The following FNDC3B variants were observed in gnomAD, a reference collection of about 807,000 sequenced individuals.
The protein encoded by FNDC3B is fibronectin type III domain containing 3B.
Under a neutral mutation model 151.5 loss-of-function variants are expected in FNDC3B, and 12 were observed. The ratio of observed to expected loss-of-function variants is 0.08; its 90% confidence interval spans 0.05 to 0.13. The LOEUF is 0.13. Among genes scored for constraint, FNDC3B ranks in the 10% least tolerant of loss-of-function variants. The pLI, the probability that FNDC3B is intolerant of heterozygous loss-of-function variation, is 1.00. For synonymous variants in FNDC3B, 528 were observed against 549.0 expected (o/e 0.96, Z 0.54); for missense variants, 1,214 against 1,505.3 (o/e 0.81, Z 3.20).
At chr3:172,115,973 A>G (rs1194189489) in intron 2 of FNDC3B, among the ~76,000 whole-genome samples, 1 of 152,122 alleles carries the variant, frequency 6.6e-6, no homozygotes, top group Non-Finnish European at 1.5e-5. Flanking sequence ...CTGGTTCTGG[A>G]TGTAATTAGG....
At chr3:172,210,662 G>T (rs976320749) in intron 3 of FNDC3B, among the ~76,000 whole-genome samples, 5 of 152,062 alleles carry the variant, frequency 3.3e-5, no homozygotes, top group Non-Finnish European at 1.5e-5. Context: ...GGCAAAATCT[G>T]CACTTTTGTA....
Position 172,397,216 on chromosome 3 carries a change from C to G in FNDC3B, c.3356C>G (p.Thr1119Arg). Residue 1119 changes from threonine to arginine, a missense_variant, in exon 26 of 26, where the codon ACA (threonine) becomes AGA (arginine). Coordinates refer to ENST00000415807, the MANE Select transcript of FNDC3B (RefSeq NM_022763.4). ...CAAATCTCAGGCCTCCAGACCAACA[C>G]AGACTACAGGTTCCGCGTATGTGCG... ...TFQISGLQTN[T>R]DYRFRVCACR... 1 of 1,614,146 alleles carries G rather than the reference C, an allele frequency of 6.2e-7. No individual in the cohort carries two copies. Among genetic ancestry groups the G allele is most frequent in the Non-Finnish European group, 8.5e-7 (1 of 1,179,994 alleles).
chr3:172,105,672 C>G (rs954463854), intron 1 of FNDC3B, among the ~76,000 whole-genome samples: 6 of 150,604 alleles, frequency 4.0e-5, no homozygotes. Flanking sequence ...ACACGGGCCT[C>G]GAACTTCGGA....
chr3:172,375,378 T>A (rs1469611163), intron 23 of FNDC3B, among the ~76,000 whole-genome samples: 1 of 152,216 alleles, frequency 6.6e-6, no homozygotes, highest in Non-Finnish European at 1.5e-5. Flanking sequence ...ACTTGATGCT[T>A]TCCTGCCTTG....
intron 11 of FNDC3B, among the ~76,000 whole-genome samples, chr3:172,323,771 A>G (rs1283964980): frequency 6.6e-6 from 1 of 152,120 alleles, no homozygotes; most frequent in Non-Finnish European, 1.5e-5. Context: ...ATTCTTCAGA[A>G]TTTAGCAGGA....
intron 6 of FNDC3B, among the ~76,000 whole-genome samples, chr3:172,271,491 T>C (rs1729199190): frequency 1.3e-5 from 2 of 152,170 alleles, no homozygotes; most frequent in South Asian, 4.1e-4. Context: ...CATTTTTTGT[T>C]GTTGTTGTTC....
At chr3:172,230,172 T>C (rs906791482) in intron 4 of FNDC3B, among the ~76,000 whole-genome samples, 1 of 151,502 alleles carries the variant, frequency 6.6e-6, no homozygotes, top group Admixed American at 6.6e-5. Flanking sequence ...AAATGAAAAA[T>C]TTTTGTGCCT....
chr3:172,354,975 T>C lies in FNDC3B; in HGVS notation c.2795+1892T>C, dbSNP rs200783780. Reference sequence around the variant, plus strand: ...GGGTTGTACACCTCTCTAGTAAATGTACTAATGCAAAAAAGCTTCTTCAAT... The same window carrying C: ...GGGTTGTACACCTCTCTAGTAAATGCACTAATGCAAAAAAGCTTCTTCAAT... On this transcript the variant is annotated intron_variant, in intron 22 of 25. Coordinates refer to ENST00000415807, the MANE Select transcript of FNDC3B (RefSeq NM_022763.4). Among the ~76,000 whole-genome samples, 331 of 152,088 alleles carry C rather than the reference T, an allele frequency of 2.2e-3. 2 individuals carry two copies. The highest frequency in any genetic ancestry group is 7.3e-3 in the African/African-American group (302 of 41,484).
chr3:172,138,294 C>T (rs1257095876), intron 3 of FNDC3B, among the ~76,000 whole-genome samples: 1 of 152,218 alleles, frequency 6.6e-6, no homozygotes, highest in Non-Finnish European at 1.5e-5. Flanking sequence ...AGTGTATCTT[C>T]ACCCTGCTCC....
intron 6 of FNDC3B, among the ~76,000 whole-genome samples, chr3:172,255,533 G>A (rs1728289128): frequency 6.6e-6 from 1 of 152,204 alleles, no homozygotes; most frequent in Non-Finnish European, 1.5e-5. Flanking sequence ...GCCTCCCAAA[G>A]TGCTGGGATG....
intron 3 of FNDC3B, among the ~76,000 whole-genome samples, chr3:172,191,882 C>T (rs138859804): frequency 7.6e-4 from 116 of 152,198 alleles, no homozygotes; most frequent in African/African-American, 2.6e-3. Flanking sequence ...CTGATTGGAG[C>T]GCTGTGTAGA....
intron 11 of FNDC3B, among the ~76,000 whole-genome samples, chr3:172,314,885 A>G (rs138106423): frequency 7.9e-4 from 120 of 152,304 alleles, no homozygotes; most frequent in African/African-American, 2.8e-3. Context: ...CTGATCCACC[A>G]TCTCTCCTCT....
Position 172,297,334 on chromosome 3 carries a change from T to C in FNDC3B, c.1002-1394T>C, listed in dbSNP as rs530622441. On this transcript the variant is annotated intron_variant, in intron 8 of 25. Transcript: ENST00000415807. ...TTTATTTGGAATAGTTTCAAACTTA[T>C]AAGATGTCCCCAAAATAGAGAAATC... Among the ~76,000 whole-genome samples, 9 of 152,342 alleles carry C rather than the reference T, an allele frequency of 5.9e-5. No individual in the cohort carries two copies. The South Asian group carries it at 6.2e-4, about 11-fold the overall frequency.
chr3:172,133,068 G>A (rs1260385075), intron 2 of FNDC3B, among the ~76,000 whole-genome samples: 1 of 152,092 alleles, frequency 6.6e-6, no homozygotes, highest in Non-Finnish European at 1.5e-5. Flanking sequence ...ATCAGTAATA[G>A]ACACTTGGGA....
chr3:172,226,826 A>C (rs1174649107), intron 3 of FNDC3B, 45 bp from the exon 4 acceptor site: 7 of 1,141,352 alleles, frequency 6.1e-6, no homozygotes, highest in Non-Finnish European at 8.0e-6. Flanking sequence ...TATTTTGAAT[A>C]ATGTATGTTT....
At chr3:172,269,318 G>A (rs762099343) in intron 6 of FNDC3B, among the ~76,000 whole-genome samples, 8 of 151,162 alleles carry the variant, frequency 5.3e-5, no homozygotes, top group South Asian at 2.1e-4. Flanking sequence ...ATATGCAGTC[G>A]CATGATCATA....
chr3:172,257,998 G>T (rs1293836487), intron 6 of FNDC3B, among the ~76,000 whole-genome samples: 1 of 152,152 alleles, frequency 6.6e-6, no homozygotes, highest in African/African-American at 2.4e-5. Context: ...TTAAGTTGAA[G>T]TATGTTCCTT....
At chr3:172,290,662 T>G (rs1730278125) in intron 7 of FNDC3B, among the ~76,000 whole-genome samples, 1 of 152,236 alleles carries the variant, frequency 6.6e-6, no homozygotes, top group African/African-American at 2.4e-5. Context: ...TAAACTGACC[T>G]GCGAGGAACA....
At chr3:172,190,691 G>A (rs1724460898) in intron 3 of FNDC3B, among the ~76,000 whole-genome samples, 1 of 152,010 alleles carries the variant, frequency 6.6e-6, no homozygotes. Flanking sequence ...TTTTTGAGAT[G>A]GAGTTTTGCT....
Sources: gnomAD v4.1 joint callset for allele counts (sites outside exome capture counted in the v4.1 genomes callset) on GRCh38, gnomAD v4.1.1 for gene constraint, MANE v1.5 for transcripts, NCBI Gene and HGNC (gene_info 2026-07-23, HGNC 2026-07-21) for gene names.